ARHGAP18: variants seen among roughly 807,000 people sequenced by gnomAD.
The protein encoded by ARHGAP18 is Rho GTPase activating protein 18.
Under a neutral mutation model 86.2 loss-of-function variants are expected in ARHGAP18, and 67 were observed. That is an observed-to-expected ratio of 0.78 (90% confidence interval 0.64 to 0.95). ARHGAP18 has a LOEUF of 0.95. Among genes scored for constraint, ARHGAP18 ranks in the 40% least tolerant of loss-of-function variants. ARHGAP18 has a pLI of 0.00. For synonymous variants in ARHGAP18, 283 were observed against 280.4 expected (o/e 1.01, Z -0.09); for missense variants, 691 against 780.4 (o/e 0.89, Z 1.37).
At chr6:129,623,003 AAAC>A (rs371573675) in intron 5 of ARHGAP18, among the ~76,000 whole-genome samples, 20,595 of 129,404 alleles carry the variant, frequency 0.16, 1,676 homozygotes, top group Non-Finnish European at 0.22. Flanking sequence ...CTCCATCTCA[AAAC>A]AAAAAAAAAA....
At position 129,600,667 on chromosome 6, in the gene ARHGAP18, A is replaced by T. The variant is rs1788718405; in HGVS notation, c.1547T>A (p.Ile516Asn). The stretch of plus-strand genomic sequence containing the variant: ...TGTCCACAGAAGTTTTTGGTACTTA[A>T]TCAATAAGTGCATGGTATTTGCTGT... ...AGTANTMHLL[I>N]KYQKLLWTIP... Residue 516 changes from isoleucine to asparagine, a missense_variant, in exon 11 of 15, where the codon ATT (isoleucine) becomes AAT (asparagine). By Grantham distance (149) the Ile-to-Asn change is moderately radical. Coordinates refer to ENST00000368149, the MANE Select transcript of ARHGAP18 (RefSeq NM_033515.3). 1 of 1,613,584 alleles carries T rather than the reference A, an allele frequency of 6.2e-7. No individual in the cohort carries two copies. The highest frequency in any genetic ancestry group is 8.5e-7 in the Non-Finnish European group (1 of 1,179,684).
At position 129,608,038 on chromosome 6, in the gene ARHGAP18, T is replaced by C; in HGVS notation, c.1137A>G (p.Glu379=). The stretch of plus-strand genomic sequence containing the variant: ...TCCCTTCATAAAACTTTGCTTCTAG[T>C]TCTTGGCAAAGATTCTGATAGGCAC... ...AAIRIKNLCQ[E]LEAKFYEGTF... The change falls in exon 9 of 15, where the codon GAA becomes GAG. Residue 379 remains glutamate, a synonymous_variant. Transcript: ENST00000368149. The C allele has an allele frequency of 1.3e-6, 2 of 1,586,704 alleles. No individual in the cohort carries two copies. The highest frequency in any genetic ancestry group is 1.7e-6 in the Non-Finnish European group (2 of 1,169,292).
intron 6 of ARHGAP18, among the ~76,000 whole-genome samples, chr6:129,617,104 A>AT (rs1332584942): frequency 2.0e-5 from 3 of 152,360 alleles, no homozygotes; most frequent in Admixed American, 2.0e-4. Context: ...TAGAAAATAG[A>AT]TACTTGCTAC....
intron 3 of ARHGAP18, among the ~76,000 whole-genome samples, chr6:129,635,269 C>T (rs753438758): frequency 5.9e-5 from 9 of 152,166 alleles, no homozygotes; most frequent in Non-Finnish European, 7.3e-5. Flanking sequence ...CTGTTGTCCA[C>T]GAAGGACTTC....
rs1481608520 is a variant in ARHGAP18, at chr6:129,576,579, C to T, written c.*1934G>A. ...GGGATTCAAAATAAAATGGCATTTT[C>T]ACTTTTTTAAAATTAAGATACTTTT... On this transcript the variant is annotated 3_prime_UTR_variant, in exon 15 of 15. Transcript: ENST00000368149. 2 of 152,160 alleles carry T rather than the reference C, an allele frequency of 1.3e-5. No homozygotes were observed. The highest frequency in any genetic ancestry group is 1.9e-4 in the East Asian group (1 of 5,202). 9.4% of individuals were successfully genotyped at this position (152,160 alleles called of 1,614,324 possible).
At chr6:129,587,297 G>C (rs748097473) in intron 12 of ARHGAP18, among the ~76,000 whole-genome samples, 5 of 152,112 alleles carry the variant, frequency 3.3e-5, no homozygotes, top group Admixed American at 1.3e-4. Flanking sequence ...AGAAAGCAGA[G>C]AAAAGGAATT....
chr6:129,618,841 C>T lies in ARHGAP18; in HGVS notation c.798G>A (p.Leu266=). The change falls in exon 6 of 15, where the codon TTG becomes TTA. Residue 266 remains leucine (L), a synonymous_variant. Coordinates refer to ENST00000368149, the MANE Select transcript of ARHGAP18 (RefSeq NM_033515.3). The part of the protein sequence containing the change: ...GDDATLPSFR[L]PKDKTGTTRI... ...TTGTGGTACCCGTTTTGTCTTTTGG[C>T]AATCTGAAACTCTAAAATAAACATC... is the stretch of plus-strand genomic sequence containing the variant. 1 of 1,611,580 alleles carries T rather than the reference C, an allele frequency of 6.2e-7. No individual in the cohort carries two copies. Among genetic ancestry groups the T allele is most frequent in the East Asian group, 2.2e-5 (1 of 44,854 alleles).
chr6:129,578,850 GCT>G (rs1277347985), intron 14 of ARHGAP18, among the ~76,000 whole-genome samples: 1 of 152,124 alleles, frequency 6.6e-6, no homozygotes, highest in African/African-American at 2.4e-5. Context: ...TGTAGTCCCA[GCT>G]ACTCAGGGGG....
At chr6:129,650,238 G>A (rs1413196949) in intron 1 of ARHGAP18, among the ~76,000 whole-genome samples, 1 of 151,890 alleles carries the variant, frequency 6.6e-6, no homozygotes, top group Non-Finnish European at 1.5e-5. Context: ...TCTACTTCTT[G>A]ACATCACTAA....
chr6:129,686,362 AAG>A (rs1338545223), intron 1 of ARHGAP18, among the ~76,000 whole-genome samples: 1 of 152,122 alleles, frequency 6.6e-6, no homozygotes, highest in Non-Finnish European at 1.5e-5. Context: ...CCATTCCCAT[AAG>A]ACTCTCTGCA....
Position 129,658,885 on chromosome 6 carries a change from C to T in ARHGAP18, c.114-16867G>A, listed in dbSNP as rs993022978. ...ATTGTGGGGGTAATGGGAAACCTTC[C>T]GGAGGTGCTTCAAATATGAGAAATA... On this transcript the variant is annotated intron_variant, in intron 1 of 14. Coordinates refer to ENST00000368149, the MANE Select transcript of ARHGAP18 (RefSeq NM_033515.3). Among the ~76,000 whole-genome samples the T allele has an allele frequency of 1.6e-4, 24 of 152,184 alleles. No homozygotes were observed. In the South Asian group the frequency reaches 2.9e-3, roughly 18 times the overall value.
At chr6:129,625,020 T>C (rs1378752882) in intron 5 of ARHGAP18, among the ~76,000 whole-genome samples, 1 of 86,772 alleles carries the variant, frequency 1.2e-5, no homozygotes, top group African/African-American at 4.8e-5. Context: ...ATAATATATA[T>C]GATATATGAT....
chr6:129,628,656 G>A (rs1444865867), intron 5 of ARHGAP18, among the ~76,000 whole-genome samples: 1 of 152,124 alleles, frequency 6.6e-6, no homozygotes, highest in Non-Finnish European at 1.5e-5. Flanking sequence ...AGTAAATGTG[G>A]CTAAAAATGT....
intron 3 of ARHGAP18, among the ~76,000 whole-genome samples, chr6:129,634,835 T>C (rs1773298233): frequency 6.6e-6 from 1 of 152,102 alleles, no homozygotes; most frequent in South Asian, 2.1e-4. Flanking sequence ...TCAATCATGC[T>C]GTTATAAAAC....
chr6:129,590,800 AGT>A (rs1788493160), intron 12 of ARHGAP18, among the ~76,000 whole-genome samples: 2 of 151,930 alleles, frequency 1.3e-5, no homozygotes, highest in African/African-American at 4.8e-5. Context: ...AGGGAGAGAG[AGT>A]GTGTGTGTGG....
At chr6:129,639,937 AG>A (rs1289684014) in intron 2 of ARHGAP18, among the ~76,000 whole-genome samples, 2 of 148,692 alleles carry the variant, frequency 1.3e-5, no homozygotes, top group East Asian at 4.1e-4. Context: ...CCCAGCTACT[AG>A]GGAGGCTGAG....
intron 7 of ARHGAP18, among the ~76,000 whole-genome samples, chr6:129,615,836 C>T (rs965835879): frequency 6.6e-6 from 1 of 152,202 alleles, no homozygotes; most frequent in Non-Finnish European, 1.5e-5. Flanking sequence ...TTAAATTGGA[C>T]ATCCTCACTG....
rs147033731 is a variant in ARHGAP18 at position 129,691,740 on chromosome 6, C to T, written c.113+18284G>A. Among the ~76,000 whole-genome samples, 5 of 152,316 alleles carry T rather than the reference C, an allele frequency of 3.3e-5. No individual in the cohort carries two copies. In the East Asian group the frequency reaches 7.7e-4, roughly 24 times the overall value. Reference sequence around the variant, plus strand: ...AGGTCTCTGGCTGATACTACATTCACATAATTGTGGAAGTCCTCACCCACC... The same window carrying T: ...AGGTCTCTGGCTGATACTACATTCATATAATTGTGGAAGTCCTCACCCACC... On this transcript the variant is annotated intron_variant, in intron 1 of 14. Transcript: ENST00000368149.
At chr6:129,642,917 A>C (rs10457527) in intron 1 of ARHGAP18, among the ~76,000 whole-genome samples, 43,309 of 151,842 alleles carry the variant, frequency 0.29, 6,341 homozygotes, top group Non-Finnish European at 0.31. Flanking sequence ...CTGGGGTACA[A>C]ACTCATTTAT....
Sources: allele counts gnomAD v4.1 joint callset (sites outside exome capture counted in the v4.1 genomes callset), GRCh38; gene constraint gnomAD v4.1.1; transcripts MANE v1.5; gene names NCBI Gene and HGNC (gene_info 2026-07-23, HGNC 2026-07-21).